The following IFT46 variants were observed in gnomAD, a reference collection of about 807,000 sequenced individuals.
IFT46 encodes the protein intraflagellar transport 46.
In IFT46, 19 loss-of-function variants were observed where a neutral mutation model predicts 39.6. The observed-to-expected ratio is 0.48, with a 90% CI of 0.33 to 0.70. The LOEUF (loss-of-function observed/expected upper bound fraction) is 0.70. IFT46 is among the 30% of genes least tolerant of loss of function. The pLI, the probability that IFT46 is intolerant of heterozygous loss-of-function variation, is 0.01. For missense variants in IFT46, 334 were observed against 364.8 expected (o/e 0.92, Z 0.69); for synonymous variants, 117 against 134.8 (o/e 0.87, Z 0.91).
chr11:118,575,971 G>A (rs888110684), upstream of IFT46, among the ~76,000 whole-genome samples: 7 of 139,834 alleles, frequency 5.0e-5, no homozygotes, highest in East Asian at 5.3e-4. Context: ...TGTCACTGTA[G>A]TTGTTTTTTT....
upstream of IFT46, among the ~76,000 whole-genome samples, chr11:118,567,726 A>T (rs188676267): frequency 1.2e-3 from 179 of 151,794 alleles, no homozygotes; most frequent in African/African-American, 4.2e-3. Flanking sequence ...AACTGCATTT[A>T]AAAAAAAATT....
upstream of IFT46, among the ~76,000 whole-genome samples, chr11:118,576,441 A>C (rs59610752): frequency 0.12 from 17,406 of 148,618 alleles, 1,613 homozygotes; most frequent in East Asian, 0.48. Flanking sequence ...AAAAAAAAAA[A>C]AAAAAAAACC....
Position 118,545,403 on chromosome 11 carries a change from G to A in IFT46, c.819+6C>T. On this transcript the variant is annotated splice_donor_region_variant and intron_variant, in intron 11 of 11. Transcript: ENST00000264021. ...AGCTTAAGTCAACCCCTGATGCTTG[G>A]CTCACCTGTGAGTTCTTGAATTCTG... The A allele has an allele frequency of 9.4e-6, 15 of 1,598,380 alleles. No homozygotes were observed. The highest frequency in any genetic ancestry group is 1.3e-5 in the Non-Finnish European group (15 of 1,165,784).
intron 9 of IFT46, among the ~76,000 whole-genome samples, chr11:118,550,609 G>A (rs936541490): frequency 2.2e-4 from 34 of 151,998 alleles, no homozygotes; most frequent in Non-Finnish European, 4.1e-4. Context: ...CACTGTGCCC[G>A]GCCCACATTA....
At chr11:118,570,929 T>G (rs1365871422), upstream of IFT46, among the ~76,000 whole-genome samples, 1 of 151,974 alleles carries the variant, frequency 6.6e-6, no homozygotes, top group Non-Finnish European at 1.5e-5. Flanking sequence ...TTTTTAAGAG[T>G]CTAAGTCTCA....
At chr11:118,557,777 C>G (rs782400889) in intron 3 of IFT46, 1 of 1,614,154 alleles carries the variant, frequency 6.2e-7, no homozygotes, top group African/African-American at 1.3e-5. Flanking sequence ...ATCCCACCCT[C>G]TCAAGTACAT....
upstream of IFT46, among the ~76,000 whole-genome samples, chr11:118,567,011 T>C (rs1199474046): frequency 2.6e-5 from 4 of 152,090 alleles, no homozygotes; most frequent in Admixed American, 1.3e-4. Context: ...GGTGGGACGA[T>C]TGCTTGAGTT....
At position 118,544,875 on chromosome 11, in the gene IFT46, A is replaced by G; in HGVS notation, c.*41T>C. ...GATCTGTCCATCTCAGCTGGGGCAG[A>G]GGGGCCAGCTCAGCCTTGAAACAGC... On this transcript the variant is annotated 3_prime_UTR_variant, in exon 12 of 12. Coordinates refer to ENST00000264021, the MANE Select transcript of IFT46 (RefSeq NM_001168618.2). 7.1e-7 allele frequency: 1 copy of G among 1,408,334 alleles called. No homozygotes were observed. Among genetic ancestry groups the G allele is most frequent in the Non-Finnish European group, 1.0e-6 (1 of 995,548 alleles). The allele number at this position is 1,408,334 out of a possible 1,614,324, so 87.2% of individuals were successfully genotyped here. A position where few individuals can be genotyped will look rare whatever the true frequency, so the allele number is the denominator to read the frequency against.
upstream of IFT46, among the ~76,000 whole-genome samples, chr11:118,576,067 T>A (rs1938491372): frequency 6.6e-6 from 1 of 150,964 alleles, no homozygotes; most frequent in Non-Finnish European, 1.5e-5. Flanking sequence ...TAAACTAACC[T>A]CCTATGTTAG....
At chr11:118,546,302 A>G in intron 9 of IFT46, 1 of 618,574 alleles carries the variant, frequency 1.6e-6, no homozygotes, top group Non-Finnish European at 2.9e-6. Context: ...GTTCGAGACC[A>G]GCCTGGGCAA....
chr11:118,555,638 AG>A (rs1937804985), intron 4 of IFT46: 1 of 249,920 alleles, frequency 4.0e-6, no homozygotes, highest in South Asian at 5.0e-5. Flanking sequence ...AAGAGATTTT[AG>A]GGCTGGGCGT....
At position 118,554,989 on chromosome 11, in the gene IFT46, C is replaced by A. The variant is rs1555069184; in HGVS notation, c.354+1G>T. On this transcript the variant is annotated splice_donor_variant, in intron 6 of 11. Transcript: ENST00000264021. LOFTEE classifies it high-confidence loss of function. ...TCATTTTCAGGATGTACTGACTATA[C>A]CTTTAAGAATGCATCAATATCCCCG... 6.2e-7 allele frequency: 1 copy of A among 1,600,868 alleles called. No individual in the cohort carries two copies. The highest frequency in any genetic ancestry group is 1.3e-5 in the African/African-American group (1 of 74,614).
intron 9 of IFT46, among the ~76,000 whole-genome samples, chr11:118,549,212 CTTT>C (rs368493413): frequency 0.06 from 8,784 of 146,576 alleles, 347 homozygotes; most frequent in Non-Finnish European, 0.087. Flanking sequence ...TTTTTCTTTT[CTTT>C]TTTTTTTGTA....
chr11:118,567,448 C>T (rs1367246504), upstream of IFT46, among the ~76,000 whole-genome samples: 2 of 151,858 alleles, frequency 1.3e-5, no homozygotes, highest in Admixed American at 6.6e-5. Flanking sequence ...TGGTGGCGCG[C>T]GCCTGTAATC....
chr11:118,545,779 A>G lies in IFT46; in HGVS notation c.733+14T>C, dbSNP rs782233464. ...ATCCAGAGATGGGGACGAGGAAAGG[A>G]AAGAGGAACTCACCACAGATCATGT... On this transcript the variant is annotated intron_variant, in intron 10 of 11. Coordinates refer to ENST00000264021, the MANE Select transcript of IFT46 (RefSeq NM_001168618.2). The G allele has an allele frequency of 1.2e-6, 2 of 1,613,508 alleles. No individual in the cohort carries two copies. Among genetic ancestry groups the G allele is most frequent in the Non-Finnish European group, 1.7e-6 (2 of 1,179,392 alleles).
intron 5 of IFT46, 42 bp downstream of exon 5, chr11:118,555,206 A>G (rs1555069237): frequency 6.4e-7 from 1 of 1,572,688 alleles, no homozygotes. Flanking sequence ...GTTTGGGGCA[A>G]GGTAGGGATA....
At chr11:118,569,144 T>C (rs1346841081), upstream of IFT46, among the ~76,000 whole-genome samples, 2 of 150,936 alleles carry the variant, frequency 1.3e-5, no homozygotes, top group East Asian at 2.0e-4. Context: ...CCAGGCGTGG[T>C]CGTCCATGCC....
chr11:118,561,358 T>C (rs1591370700), intron 2 of IFT46: 1 of 888,670 alleles, frequency 1.1e-6, no homozygotes, highest in Non-Finnish European at 1.9e-6. Flanking sequence ...ACCAGTTCTC[T>C]CAATGCATAA....
In IFT46 at chr11:118,544,924, A is replaced by G. The variant is rs1555066636; in HGVS notation, c.907T>C (p.Phe303Leu). The G allele has an allele frequency of 6.2e-7, 1 of 1,612,022 alleles. No individual in the cohort carries two copies. Among genetic ancestry groups the G allele is most frequent in the Non-Finnish European group, 8.5e-7 (1 of 1,178,314 alleles). Residue 303 changes from phenylalanine to leucine, a missense_variant, in exon 12 of 12, where the codon TTC becomes CTC. Transcript: ENST00000264021. The stretch of plus-strand genomic sequence containing the variant: ...GCAGCTTGGGAAGTGTCTCAGCTGA[A>G]GGTTAATGTCTCCATGTCTCCAGCT... Reference protein sequence around the residue: ...SQAGDMETLTFS With the variant: ...SQAGDMETLTLS
Sources: gnomAD v4.1 joint callset for allele counts (sites outside exome capture counted in the v4.1 genomes callset) on GRCh38, gnomAD v4.1.1 for gene constraint, MANE v1.5 for transcripts, NCBI Gene and HGNC (gene_info 2026-07-23, HGNC 2026-07-21) for gene names.